Variants in RCAN1 observed in about 807,000 individuals in gnomAD.
RCAN1 encodes the protein regulator of calcineurin 1.
A neutral mutation model predicts 22.9 loss-of-function variants in RCAN1; 11 were observed. The observed-to-expected ratio is 0.48, with a 90% CI of 0.30 to 0.79. RCAN1 has a LOEUF of 0.79. Ranked by LOEUF, RCAN1 falls within the 30% of genes least tolerant of loss-of-function variation. The pLI is 0.06. For missense variants in RCAN1, 291 were observed against 337.8 expected, an observed-to-expected ratio of 0.86 and a Z score of 1.09; for synonymous variants, 136 against 142.3, an observed-to-expected ratio of 0.96 and a Z score of 0.32.
intron 1 of RCAN1, among the ~76,000 whole-genome samples, chr21:34,586,537 A>C (rs1020958805): frequency 4.6e-5 from 7 of 152,238 alleles, no homozygotes; most frequent in Non-Finnish European, 1.0e-4. Context: ...GATGCAGCAA[A>C]AGCCATACTT....
intron 1 of RCAN1, among the ~76,000 whole-genome samples, chr21:34,547,248 A>G: frequency 6.6e-6 from 1 of 152,186 alleles, no homozygotes; most frequent in East Asian, 1.9e-4. Context: ...GGGCATATCC[A>G]GGAGTCCAGG....
rs1404155097 is a variant in RCAN1, at chr21:34,614,769, G to A, written c.243C>T (p.Gly81=). ...CHLDPRVFVD[G]LCRAKFESLF... ...CCGGCGCGGTCCTCACCCGGCACAG[G>A]CCGTCCACGAACACGCGCGGGTCCA... The change falls in exon 1 of 4, where the codon GGC becomes GGT. Residue 81 remains glycine, a synonymous_variant. Coordinates refer to ENST00000313806, the MANE Select transcript of RCAN1 (RefSeq NM_004414.7). The surrounding 1 kb of genome is among the most constrained non-coding windows in gnomAD (Gnocchi z 6.0). 4 of 1,450,988 alleles carry A rather than the reference G, an allele frequency of 2.8e-6. No individual in the cohort carries two copies. Among genetic ancestry groups the A allele is most frequent in the East Asian group, 3.2e-5 (1 of 30,998 alleles). 89.9% of individuals were successfully genotyped at this position (1,450,988 alleles called of 1,614,324 possible).
chr21:34,545,869 G>A (rs1029255554), intron 1 of RCAN1, among the ~76,000 whole-genome samples: 3 of 152,198 alleles, frequency 2.0e-5, no homozygotes, highest in Admixed American at 6.5e-5. Context: ...TCTAACATTC[G>A]AAGAATAGCC....
At chr21:34,598,990 G>T (rs1386460411) in intron 1 of RCAN1, among the ~76,000 whole-genome samples, 1 of 152,090 alleles carries the variant, frequency 6.6e-6, no homozygotes, top group Non-Finnish European at 1.5e-5. Flanking sequence ...GATTCAAAAT[G>T]ATTTCTAATC....
chr21:34,556,155 GGT>G (rs1986564669), intron 1 of RCAN1, among the ~76,000 whole-genome samples: 1 of 150,180 alleles, frequency 6.7e-6, no homozygotes, highest in South Asian at 2.1e-4. Context: ...TAGGTGAGGT[GGT>G]ACATGTCTGT....
chr21:34,575,608 A>G (rs1601191021), intron 1 of RCAN1, among the ~76,000 whole-genome samples: 1 of 152,268 alleles, frequency 6.6e-6, no homozygotes, highest in East Asian at 1.9e-4. Flanking sequence ...CTGCAGCCTC[A>G]ACCTCCCGGG....
chr21:34,555,625 T>C (rs1023530633), intron 1 of RCAN1, among the ~76,000 whole-genome samples: 1 of 151,530 alleles, frequency 6.6e-6, no homozygotes, highest in East Asian at 1.9e-4. Flanking sequence ...AATTACTCCA[T>C]GGTGGGAAGT....
chr21:34,554,583 G>C (rs1986486254), intron 1 of RCAN1, among the ~76,000 whole-genome samples: 1 of 152,192 alleles, frequency 6.6e-6, no homozygotes, highest in South Asian at 2.1e-4. Flanking sequence ...GCAATAGTCA[G>C]TACAGGATAT....
At chr21:34,529,520 A>C (rs1303055181) in intron 1 of RCAN1, among the ~76,000 whole-genome samples, 1 of 152,216 alleles carries the variant, frequency 6.6e-6, no homozygotes, top group Non-Finnish European at 1.5e-5. Context: ...CTGCATGTCT[A>C]TTATACGTGA....
At chr21:34,558,268 G>A (rs1200920500) in intron 1 of RCAN1, among the ~76,000 whole-genome samples, 1 of 152,058 alleles carries the variant, frequency 6.6e-6, no homozygotes, top group East Asian at 1.9e-4. Context: ...CCCGGTGCAG[G>A]AGCCCTGCAC....
chr21:34,595,131 A>G (rs1457916291), intron 1 of RCAN1, among the ~76,000 whole-genome samples: 2 of 152,240 alleles, frequency 1.3e-5, no homozygotes, highest in African/African-American at 4.8e-5. Context: ...AGCACCTGGC[A>G]CTGGACAAAC....
At chr21:34,598,957 C>T (rs1221595975) in intron 1 of RCAN1, among the ~76,000 whole-genome samples, 5 of 152,074 alleles carry the variant, frequency 3.3e-5, no homozygotes, top group South Asian at 2.1e-4. Context: ...TACTATTTTA[C>T]GTCTATCAGA....
chr21:34,583,868 G>GAAAA (rs988462197), intron 1 of RCAN1, among the ~76,000 whole-genome samples: 9 of 151,994 alleles, frequency 5.9e-5, no homozygotes, highest in African/African-American at 2.2e-4. Context: ...GCTGACCACT[G>GAAAA]AAAAAACTAC....
At chr21:34,546,340 T>C (rs952167543) in intron 1 of RCAN1, among the ~76,000 whole-genome samples, 3 of 152,076 alleles carry the variant, frequency 2.0e-5, no homozygotes, top group Non-Finnish European at 4.4e-5. Context: ...TTTACAGGTA[T>C]ATAGTCTAGC....
chr21:34,558,976 G>C (rs1257413399), intron 1 of RCAN1, among the ~76,000 whole-genome samples: 1 of 152,218 alleles, frequency 6.6e-6, no homozygotes, highest in South Asian at 2.1e-4. Flanking sequence ...TAGCACTCAA[G>C]TGTATTAATA....
chr21:34,595,710 A>G (rs566726013), intron 1 of RCAN1, among the ~76,000 whole-genome samples: 2 of 152,326 alleles, frequency 1.3e-5, no homozygotes, highest in East Asian at 1.9e-4. Flanking sequence ...AGGCATGCAC[A>G]CTGCCTTCGC....
At chr21:34,568,413 T>C (rs1987111499) in intron 1 of RCAN1, among the ~76,000 whole-genome samples, 1 of 152,240 alleles carries the variant, frequency 6.6e-6, no homozygotes, top group African/African-American at 2.4e-5. Context: ...TTCAGTTAAC[T>C]TTGAGAATTT....
Position 34,614,933 on chromosome 21 carries a change from C to T in RCAN1, c.79G>A (p.Gly27Arg). 3.1e-6 allele frequency: 4 copies of T among 1,304,724 alleles called. No homozygotes were observed. The highest frequency in any genetic ancestry group is 1.6e-5 in the African/African-American group (1 of 63,778). 80.8% of individuals were successfully genotyped at this position (1,304,724 alleles called of 1,614,324 possible). A position where few individuals can be genotyped will look rare whatever the true frequency, so the allele number is the denominator to read the frequency against. Residue 27 changes from glycine to arginine, a missense_variant, in exon 1 of 4, where the codon GGG (glycine) becomes AGG (arginine). Physicochemically the swap from Gly to Arg is moderately radical, Grantham distance 125. Transcript: ENST00000313806. The surrounding 1 kb of genome is among the most constrained non-coding windows in gnomAD (Gnocchi z 6.0). Reference sequence around the variant, plus strand: ...GGCGCGAAGGGCCGCAGCGTCACCCCGGGCCGCGCTCGCGCCTCGGCCGCC... The same window carrying T: ...GGCGCGAAGGGCCGCAGCGTCACCCTGGGCCGCGCTCGCGCCTCGGCCGCC... ...AEAAEARARP[G>R]VTLRPFAPLS...
intron 1 of RCAN1, among the ~76,000 whole-genome samples, chr21:34,565,957 G>A (rs1302815037): frequency 1.3e-5 from 2 of 152,148 alleles, no homozygotes; most frequent in East Asian, 1.9e-4. Context: ...ACCAGGTGTC[G>A]GGGCTGGAGA....
Sources: gnomAD v4.1 joint callset for allele counts (sites outside exome capture counted in the v4.1 genomes callset) on GRCh38, gnomAD v4.1.1 for gene constraint, Gnocchi (gnomAD v3.1) non-coding constraint, MANE v1.5 for transcripts, NCBI Gene and HGNC (gene_info 2026-07-23, HGNC 2026-07-21) for gene names.